The following MKLN1 variants were observed in gnomAD, a reference collection of about 807,000 sequenced individuals.
MKLN1 encodes muskelin 1, also known as muskelin.
A neutral mutation model predicts 99.0 loss-of-function variants in MKLN1; 18 were observed. The ratio of observed to expected loss-of-function variants is 0.18; its 90% CI spans 0.13 to 0.27. MKLN1 has a LOEUF of 0.27. Among genes scored for constraint, MKLN1 ranks in the 10% least tolerant of loss-of-function variants. The pLI is 1.00. For missense variants in MKLN1, 621 were observed against 875.9 expected, an observed-to-expected ratio of 0.71 and a Z score of 3.67; for synonymous variants, 288 against 293.2, an observed-to-expected ratio of 0.98 and a Z score of 0.18.
intron 3 of MKLN1, among the ~76,000 whole-genome samples, chr7:131,277,658 C>T (rs1188310306): frequency 1.3e-5 from 2 of 152,128 alleles, no homozygotes; most frequent in African/African-American, 4.8e-5. Flanking sequence ...TCAAGCGATC[C>T]ACCCACCTCA....
At chr7:131,370,246 T>C (rs1022448668) in intron 1 of MKLN1, among the ~76,000 whole-genome samples, 1 of 152,110 alleles carries the variant, frequency 6.6e-6, no homozygotes, top group Admixed American at 6.5e-5. Context: ...AATTAAAATA[T>C]CACCTTTATC....
At chr7:131,352,682 T>C (rs1799754120) in intron 1 of MKLN1, among the ~76,000 whole-genome samples, 1 of 152,190 alleles carries the variant, frequency 6.6e-6, no homozygotes, top group Non-Finnish European at 1.5e-5. Context: ...TAGATTCTTT[T>C]TGCCGTTAGA....
At chr7:131,477,856 A>AT (rs1193510852) in intron 16 of MKLN1, among the ~76,000 whole-genome samples, 5 of 152,226 alleles carry the variant, frequency 3.3e-5, no homozygotes, top group Non-Finnish European at 7.3e-5. Flanking sequence ...GTCTGCTCTA[A>AT]TTCATTCCTT....
At chr7:131,394,409 T>A (rs1794297362) in intron 4 of MKLN1, among the ~76,000 whole-genome samples, 1 of 152,044 alleles carries the variant, frequency 6.6e-6, no homozygotes, top group Non-Finnish European at 1.5e-5. Flanking sequence ...CTTTTCCATC[T>A]CAGATCATCA....
At chr7:131,353,855 T>G (rs1799792117) in intron 1 of MKLN1, among the ~76,000 whole-genome samples, 1 of 150,850 alleles carries the variant, frequency 6.6e-6, no homozygotes, top group African/African-American at 2.4e-5. Context: ...CTAGCACTGT[T>G]TGTTGAAAAG....
intron 3 of MKLN1, among the ~76,000 whole-genome samples, chr7:131,299,762 T>C (rs539295071): frequency 6.6e-6 from 1 of 152,352 alleles, no homozygotes; most frequent in South Asian, 2.1e-4. Flanking sequence ...TTTGGCCAAC[T>C]GTTCGTTAAC....
chr7:131,416,106 A>G (rs2116353416), intron 8 of MKLN1, among the ~76,000 whole-genome samples: 2 of 152,274 alleles, frequency 1.3e-5, no homozygotes, highest in South Asian at 4.1e-4. Flanking sequence ...CACCCTTTCA[A>G]ACAAATTTGG....
intron 2 of MKLN1, among the ~76,000 whole-genome samples, chr7:131,191,302 A>C (rs1935875146): frequency 6.6e-6 from 1 of 152,216 alleles, no homozygotes; most frequent in African/African-American, 2.4e-5. Flanking sequence ...AGCAGATTCA[A>C]GTTGGGGGCT....
chr7:131,371,048 T>C (rs898327105), intron 1 of MKLN1, among the ~76,000 whole-genome samples: 2 of 152,196 alleles, frequency 1.3e-5, no homozygotes, highest in Non-Finnish European at 2.9e-5. Flanking sequence ...AGTATGAGCT[T>C]TAAGTTACAG....
At chr7:131,180,242 G>A (rs773291396) in intron 2 of MKLN1, among the ~76,000 whole-genome samples, 52 of 152,194 alleles carry the variant, frequency 3.4e-4, no homozygotes, top group Non-Finnish European at 6.3e-4. Flanking sequence ...TCTTGTGTCT[G>A]GCTCCAAATT....
chr7:131,450,023 G>A (rs1796133343), intron 12 of MKLN1, among the ~76,000 whole-genome samples: 1 of 152,072 alleles, frequency 6.6e-6, no homozygotes, highest in South Asian at 2.1e-4. Context: ...CTACCCTCAG[G>A]TTCACTAATC....
At chr7:131,209,068 C>T (rs1220713870) in intron 3 of MKLN1, among the ~76,000 whole-genome samples, 3 of 152,062 alleles carry the variant, frequency 2.0e-5, no homozygotes, top group South Asian at 4.1e-4. Flanking sequence ...GAGCACTCTA[C>T]GTGGAGAGAA....
At chr7:131,474,042 C>A (rs1053840297) in intron 16 of MKLN1, among the ~76,000 whole-genome samples, 1 of 151,944 alleles carries the variant, frequency 6.6e-6, no homozygotes, top group Non-Finnish European at 1.5e-5. Flanking sequence ...CCCAGCTGAT[C>A]GGGAGGTTGA....
At chr7:131,219,245 A>AG (rs1797028298) in intron 3 of MKLN1, among the ~76,000 whole-genome samples, 1 of 151,162 alleles carries the variant, frequency 6.6e-6, no homozygotes, top group Admixed American at 6.6e-5. Context: ...AAAAAAAAAA[A>AG]TAGTGTTAGC....
chr7:131,478,708 G>A, intron 17 of MKLN1, 31 bp downstream of exon 17: 1 of 1,603,856 alleles, frequency 6.2e-7, no homozygotes. Flanking sequence ...TATCCAGCTA[G>A]ATGCCCTAGC....
chr7:131,348,552 G>C (rs1220723891), intron 1 of MKLN1, among the ~76,000 whole-genome samples: 1 of 151,374 alleles, frequency 6.6e-6, no homozygotes, highest in African/African-American at 2.4e-5. Context: ...TAAAGACAGG[G>C]TCCCACAAAT....
intron 4 of MKLN1, among the ~76,000 whole-genome samples, chr7:131,396,256 G>GACACA (rs1794357138): frequency 6.6e-6 from 1 of 151,940 alleles, no homozygotes; most frequent in African/African-American, 2.4e-5. Context: ...TATTTTTAGT[G>GACACA]GAGACAGAGT....
At chr7:131,468,063 A>G (rs1375185812) in intron 15 of MKLN1, among the ~76,000 whole-genome samples, 1 of 152,206 alleles carries the variant, frequency 6.6e-6, no homozygotes, top group African/African-American at 2.4e-5. Flanking sequence ...GACCACCACC[A>G]TTTGAGGGAC....
chr7:131,263,330 C>T (rs1486736222), intron 3 of MKLN1, among the ~76,000 whole-genome samples: 1 of 102,588 alleles, frequency 9.7e-6, no homozygotes, highest in African/African-American at 2.9e-5. Context: ...ATAGTGAGAC[C>T]TCATCTCTAC....
Sources: gnomAD v4.1 joint callset for allele counts (sites outside exome capture counted in the v4.1 genomes callset) on GRCh38, gnomAD v4.1.1 for gene constraint, MANE v1.5 for transcripts, NCBI Gene and HGNC (gene_info 2026-07-23, HGNC 2026-07-21) for gene names.